Variants in PCNT observed in about 807,000 individuals in gnomAD.
The protein encoded by PCNT is kendrin.
A neutral mutation model predicts 380.4 loss-of-function variants in PCNT; 319 were observed. That is an observed-to-expected ratio of 0.84 (90% CI 0.77 to 0.92). The LOEUF is 0.92. PCNT is among the 40% of genes least tolerant of loss of function. PCNT has a pLI of 0.00. For missense variants in PCNT, 4,400 were observed against 4,255.3 expected, an observed-to-expected ratio of 1.03 and a Z score of -0.95; for synonymous variants, 1,845 against 1,735.2, an observed-to-expected ratio of 1.06 and a Z score of -1.57.
At position 46,416,490 on chromosome 21, in the gene PCNT, C is replaced by G. The variant is rs587784315; in HGVS notation, c.6572C>G (p.Ser2191Cys). The change falls in exon 30 of 47, where the codon TCT becomes TGT. Residue 2191 changes from serine to cysteine, a missense_variant. Ser to Cys is a moderately radical substitution (Grantham distance 112). Transcript: ENST00000359568. Reference sequence around the variant, plus strand: ...TCAGAATGTCAGGACATGTCTCTTTCTTCACCGACCAGCGTACTTGGTGGC... The same window carrying G: ...TCAGAATGTCAGGACATGTCTCTTTGTTCACCGACCAGCGTACTTGGTGGC... ...EKSECQDMSL[S>C]SPTSVLGGSR... 6.2e-7 allele frequency: 1 copy of G among 1,614,082 alleles called. No homozygotes were observed. The highest frequency in any genetic ancestry group is 8.5e-7 in the Non-Finnish European group (1 of 1,180,036).
At chr21:46,349,636 A>G in intron 7 of PCNT, 48 bp from the exon 8 acceptor site, 2 of 1,597,818 alleles carry the variant, frequency 1.3e-6, no homozygotes, top group Non-Finnish European at 1.7e-6. Context: ...GTCGCTGTTG[A>G]GGAGAGTGAT....
intron 37 of PCNT, chr21:46,431,063 C>G (rs2087741626): frequency 1.0e-6 from 1 of 985,346 alleles, no homozygotes; most frequent in Non-Finnish European, 1.2e-6. Flanking sequence ...CAAGTCTGTG[C>G]CAGTTCCATG....
intron 3 of PCNT, among the ~76,000 whole-genome samples, chr21:46,343,102 G>A (rs1455790841): frequency 6.6e-6 from 1 of 152,132 alleles, no homozygotes; most frequent in African/African-American, 2.4e-5. Context: ...AAACGATCCT[G>A]TCATCAGCAG....
chr21:46,329,246 C>T (rs1169385767), intron 2 of PCNT, among the ~76,000 whole-genome samples: 1 of 152,174 alleles, frequency 6.6e-6, no homozygotes, highest in African/African-American at 2.4e-5. Flanking sequence ...TCATACTTTG[C>T]TGTTTCATCA....
intron 37 of PCNT, chr21:46,431,131 C>T: frequency 8.4e-7 from 1 of 1,187,872 alleles, no homozygotes; most frequent in Non-Finnish European, 1.1e-6. Context: ...GTGTGTATCT[C>T]TGAGCCTCTG....
At chr21:46,342,067 G>A (rs2083925322) in intron 3 of PCNT, among the ~76,000 whole-genome samples, 1 of 151,044 alleles carries the variant, frequency 6.6e-6, no homozygotes, top group African/African-American at 2.4e-5. Context: ...TCAGCCTCCT[G>A]AGGAGCTGGG....
At chr21:46,341,964 T>G (rs1356294672) in intron 3 of PCNT, among the ~76,000 whole-genome samples, 1 of 146,722 alleles carries the variant, frequency 6.8e-6, no homozygotes, top group African/African-American at 2.6e-5. Context: ...TTTTTTGAGA[T>G]GGAGTCCCGC....
At chr21:46,390,623 C>T in intron 19 of PCNT, 47 bp from the exon 20 acceptor site, 4 of 1,599,562 alleles carry the variant, frequency 2.5e-6, no homozygotes, top group Non-Finnish European at 2.6e-6. Flanking sequence ...ATGTAGGCTT[C>T]AGTTATTTTT....
chr21:46,411,334 C>G lies in PCNT; in HGVS notation c.5261C>G (p.Ser1754Cys). ...EVIEKLQHEL[S>C]LMGPVVHEVS... ...ATTGAGAAGCTGCAGCACGAGCTGT[C>G]CCTCATGGGGCCTGTGGTGCACGAA... is the stretch of plus-strand genomic sequence containing the variant. The change falls in exon 28 of 47, where the codon TCC becomes TGC. Residue 1754 changes from serine to cysteine, a missense_variant. Physicochemically the swap from Ser to Cys is moderately radical, Grantham distance 112. Transcript: ENST00000359568. 6.2e-7 allele frequency: 1 copy of G among 1,614,178 alleles called. No individual in the cohort carries two copies. The highest frequency in any genetic ancestry group is 2.2e-5 in the East Asian group (1 of 44,886).
chr21:46,362,547 T>A (rs1601841533), intron 13 of PCNT, among the ~76,000 whole-genome samples: 2 of 152,284 alleles, frequency 1.3e-5, no homozygotes, highest in East Asian at 3.9e-4. Context: ...ACTTAATTTT[T>A]AAATAAGGAG....
At chr21:46,374,851 A>G (rs924458043) in intron 15 of PCNT, among the ~76,000 whole-genome samples, 3 of 147,184 alleles carry the variant, frequency 2.0e-5, no homozygotes, top group African/African-American at 7.6e-5. Flanking sequence ...CTTCGTCTCA[A>G]AAAAAAAAAA....
At chr21:46,324,406 CT>C in intron 1 of PCNT, 124 bp downstream of exon 1, 2 of 852,048 alleles carry the variant, frequency 2.3e-6, no homozygotes, top group Non-Finnish European at 3.9e-6. Flanking sequence ...GGAGGTCTCG[CT>C]TTTTCCCGCC....
chr21:46,340,359 G>A (rs955961535), intron 3 of PCNT, among the ~76,000 whole-genome samples: 4 of 152,152 alleles, frequency 2.6e-5, no homozygotes, highest in African/African-American at 4.8e-5. Flanking sequence ...TATCACATAC[G>A]TATAGCTCAG....
In PCNT at chr21:46,431,636, C is replaced by G. The variant is rs146717642; in HGVS notation, c.8172C>G (p.Ile2724Met). The change falls in exon 38 of 47, where the codon ATC (isoleucine) becomes ATG (methionine). Residue 2724 changes from isoleucine (I) to methionine (M), a missense_variant. Transcript: ENST00000359568. ...AKDNLQKELR[I>M]EHSRCEALLA... ...ACAACCTGCAGAAGGAGCTGCGTAT[C>G]GAGCACTCACGCTGCGAGGCCTTGC... 1.2e-6 allele frequency: 2 copies of G among 1,613,916 alleles called. No individual in the cohort carries two copies. The highest frequency in any genetic ancestry group is 1.7e-6 in the Non-Finnish European group (2 of 1,179,910).
intron 28 of PCNT, 81 bp from the exon 29 acceptor site, chr21:46,412,756 T>A: frequency 6.7e-7 from 1 of 1,490,156 alleles, no homozygotes; most frequent in South Asian, 1.1e-5. Flanking sequence ...GCCGTACTGG[T>A]TCCCAGCTCC....
At chr21:46,344,183 C>A (rs923599127) in intron 3 of PCNT, among the ~76,000 whole-genome samples, 22 of 152,000 alleles carry the variant, frequency 1.4e-4, no homozygotes, top group African/African-American at 4.8e-4. Flanking sequence ...ATGCCATTCT[C>A]CTGCCTCAGC....
rs987994192 is a variant in PCNT, at chr21:46,436,482, C to A, written c.8996+334C>A. Among the ~76,000 whole-genome samples the A allele has an allele frequency of 4.8e-4, 42 of 87,902 alleles. 6 individuals are homozygous for A. The highest frequency in any genetic ancestry group is 9.3e-4 in the Non-Finnish European group (30 of 32,226). The allele number at this position is 87,902 out of a possible 152,430, so 57.7% of individuals were successfully genotyped here. ...GGAGCCTCCTGTGGCCCCCCCCCCC[C>A]CCCCCCGCTGGCACTGCCCAGTGTC... On this transcript the variant is annotated intron_variant, in intron 39 of 46. Transcript: ENST00000359568.
At chr21:46,329,760 T>C (rs539980452) in intron 2 of PCNT, among the ~76,000 whole-genome samples, 2 of 152,358 alleles carry the variant, frequency 1.3e-5, no homozygotes, top group South Asian at 2.1e-4. Context: ...CTGTTACTTA[T>C]AACTGTTGCT....
At chr21:46,417,756 T>G (rs915978352) in intron 30 of PCNT, among the ~76,000 whole-genome samples, 2 of 151,864 alleles carry the variant, frequency 1.3e-5, no homozygotes, top group African/African-American at 4.8e-5. Flanking sequence ...CACAAAAAAT[T>G]AGCTGGGCGT....
Sources: gnomAD v4.1 joint callset for allele counts (sites outside exome capture counted in the v4.1 genomes callset) on GRCh38, gnomAD v4.1.1 for gene constraint, MANE v1.5 for transcripts, NCBI Gene and HGNC (gene_info 2026-07-23, HGNC 2026-07-21) for gene names.